EVC: variants seen among roughly 807,000 people sequenced by gnomAD.
The protein encoded by EVC is EvC ciliary complex subunit 1.
EVC carries 116 observed loss-of-function variants against 118.9 expected under a neutral mutation model. The ratio of observed to expected loss-of-function variants is 0.98; its 90% CI spans 0.84 to 1.14. The LOEUF (loss-of-function observed/expected upper bound fraction) is 1.14. Among genes scored for constraint, EVC ranks in the 50% most tolerant of loss-of-function variants. The pLI is 0.00. For synonymous variants in EVC, 619 were observed against 534.7 expected, an observed-to-expected ratio of 1.16 and a Z score of -2.18; for missense variants, 1,401 against 1,246.4, an observed-to-expected ratio of 1.12 and a Z score of -1.87.
intron 11 of EVC, among the ~76,000 whole-genome samples, chr4:5,768,037 T>C (rs1350743446): frequency 6.6e-6 from 1 of 152,112 alleles, no homozygotes; most frequent in East Asian, 1.9e-4. Flanking sequence ...TCAAGTATTG[T>C]TAAGCACAGC....
At chr4:5,725,430 A>G (rs1214754594) in intron 2 of EVC, among the ~76,000 whole-genome samples, 1 of 152,124 alleles carries the variant, frequency 6.6e-6, no homozygotes, top group African/African-American at 2.4e-5. Flanking sequence ...CTGGCATGAG[A>G]TGGTATCTCA....
In EVC at chr4:5,789,681, G is replaced by A. The variant is rs1177634687; in HGVS notation, c.1777-3927G>A. Among the ~76,000 whole-genome samples the A allele has an allele frequency of 6.6e-6, 1 of 152,164 alleles. No homozygotes were observed. Among genetic ancestry groups the A allele is most frequent in the Non-Finnish European group, 1.5e-5 (1 of 68,028 alleles). On this transcript the variant is annotated intron_variant, in intron 12 of 20. Coordinates refer to ENST00000264956, the MANE Select transcript of EVC (RefSeq NM_153717.3). This position sits in a 1 kb window ranked among gnomAD's most constrained non-coding sequence, Gnocchi z 4.3. ...GCAATGACCAGCACTCTAGCCCGAGGAAGCACCTCTTCTGAATGTAAGCAT... is the reference window on the plus strand; with the variant it reads ...GCAATGACCAGCACTCTAGCCCGAGAAAGCACCTCTTCTGAATGTAAGCAT...
chr4:5,744,958 G>A (rs1381524105), intron 6 of EVC, among the ~76,000 whole-genome samples: 1 of 140,362 alleles, frequency 7.1e-6, no homozygotes, highest in Non-Finnish European at 1.5e-5. Flanking sequence ...GATTTTTAAA[G>A]TATGGTCTAG....
chr4:5,730,213 C>T (rs1228967443), intron 3 of EVC, among the ~76,000 whole-genome samples: 3 of 152,120 alleles, frequency 2.0e-5, no homozygotes, highest in African/African-American at 7.2e-5. Flanking sequence ...CACAAGATAA[C>T]ATACATGAGG....
In EVC at chr4:5,738,406, T is replaced by C. The variant is rs983749216; in HGVS notation, c.703-3310T>C. Among the ~76,000 whole-genome samples, 2 of 152,200 alleles carry C rather than the reference T, an allele frequency of 1.3e-5. No homozygotes were observed. Among genetic ancestry groups the C allele is most frequent in the Non-Finnish European group, 2.9e-5 (2 of 68,038 alleles). ...GACTCCAAGTTTTAAAGTTCTACTG[T>C]GGGCAAATTGCTATCGAATAGCATG... is the stretch of plus-strand genomic sequence containing the variant. On this transcript the variant is annotated intron_variant, in intron 5 of 20. Coordinates refer to ENST00000264956, the MANE Select transcript of EVC (RefSeq NM_153717.3). This position sits in a 1 kb window ranked among gnomAD's most constrained non-coding sequence, Gnocchi z 6.5.
chr4:5,827,637 AAC>A, the EVC span, among the ~76,000 whole-genome samples: 8 of 151,644 alleles, frequency 5.3e-5, no homozygotes, highest in South Asian at 2.1e-4. Flanking sequence ...CACACACTCC[AAC>A]ACACGCACAC....
chr4:5,726,201 C>T (rs995050116), intron 2 of EVC, among the ~76,000 whole-genome samples: 18 of 152,214 alleles, frequency 1.2e-4, no homozygotes, highest in African/African-American at 3.4e-4. Flanking sequence ...CTCTTCAAGA[C>T]GTGGTTGAGA....
intron 12 of EVC, among the ~76,000 whole-genome samples, chr4:5,784,810 G>T (rs557112204): frequency 6.6e-6 from 1 of 151,948 alleles, no homozygotes. Flanking sequence ...GTTTCATCAT[G>T]GTGGCCAAGC....
In EVC at chr4:5,745,186, T is replaced by TTTC; in HGVS notation, c.802-5_802-3dup. ...TTTTCTTTGTTTATTTGCTTTCTTTTTTCTTCTTCTTCTTCAGGATTTGGA... is the reference window on the plus strand; with the variant it reads ...TTTTCTTTGTTTATTTGCTTTCTTTTTTCTTCTTCTTCTTCTTCAGGATTTGGA... On this transcript the variant is annotated splice_polypyrimidine_tract_variant and intron_variant, in intron 6 of 20. Transcript: ENST00000264956. 1 of 1,570,514 alleles carries TTTC rather than the reference T, an allele frequency of 6.4e-7. No individual in the cohort carries two copies. Among genetic ancestry groups the TTTC allele is most frequent in the Non-Finnish European group, 8.6e-7 (1 of 1,161,920 alleles).
intron 1 of EVC, among the ~76,000 whole-genome samples, chr4:5,714,380 A>C (rs908846918): frequency 6.6e-6 from 1 of 152,238 alleles, no homozygotes; most frequent in Non-Finnish European, 1.5e-5. Context: ...CAAAAGGAGC[A>C]ATAGCCCCAC....
chr4:5,714,608 A>G (rs1245496705), intron 1 of EVC, among the ~76,000 whole-genome samples: 1 of 151,816 alleles, frequency 6.6e-6, no homozygotes, highest in Non-Finnish European at 1.5e-5. Context: ...ACTCTTCCCA[A>G]CACCACCACC....
intron 12 of EVC, among the ~76,000 whole-genome samples, chr4:5,786,684 T>C (rs563319548): frequency 1.3e-5 from 2 of 152,170 alleles, no homozygotes; most frequent in South Asian, 2.1e-4. Flanking sequence ...CCATCCTGGC[T>C]AACATGGTGA....
At position 5,811,383 on chromosome 4, in the gene EVC, G is replaced by A. The variant is rs1716888423; in HGVS notation, c.*346G>A. 3 of 344,474 alleles carry A rather than the reference G, an allele frequency of 8.7e-6. No individual in the cohort carries two copies. Among genetic ancestry groups the A allele is most frequent in the South Asian group, 7.9e-5 (3 of 37,738 alleles). The allele number at this position is 344,474 out of a possible 1,614,324, so 21.3% of individuals were successfully genotyped here. A position where few individuals can be genotyped will look rare whatever the true frequency, so the allele number is the denominator to read the frequency against. ...CCTGATGCAGACTCTGGAATCCCTG[G>A]CCCAAAGGCCTGTCTGGGCCCATCT... is the stretch of plus-strand genomic sequence containing the variant. On this transcript the variant is annotated 3_prime_UTR_variant, in exon 21 of 21. Coordinates refer to ENST00000264956, the MANE Select transcript of EVC (RefSeq NM_153717.3).
the EVC span, chr4:5,828,674 C>G: frequency 1.9e-6 from 3 of 1,612,856 alleles, no homozygotes; most frequent in Non-Finnish European, 2.5e-6. Context: ...ACCGCCTGCA[C>G]CAACAGCCTC....
At chr4:5,777,278 C>T (rs1734846175) in intron 11 of EVC, among the ~76,000 whole-genome samples, 2 of 152,144 alleles carry the variant, frequency 1.3e-5, no homozygotes. Flanking sequence ...AACTTGACTC[C>T]AGGTTACAGT....
chr4:5,782,256 G>T (rs542565633), intron 11 of EVC, among the ~76,000 whole-genome samples: 1 of 151,660 alleles, frequency 6.6e-6, no homozygotes, highest in East Asian at 1.9e-4. Context: ...ATATTTTTTA[G>T]TAGAGACAGG....
intron 12 of EVC, among the ~76,000 whole-genome samples, chr4:5,784,400 T>C (rs1736106195): frequency 6.6e-6 from 1 of 152,084 alleles, no homozygotes; most frequent in Non-Finnish European, 1.5e-5. Flanking sequence ...TGGCTGGTTC[T>C]AGAAGCTGGA....
intron 11 of EVC, chr4:5,757,945 T>C (rs561278124): frequency 3.3e-6 from 2 of 613,126 alleles, no homozygotes; most frequent in Admixed American, 2.7e-5. Context: ...CAAAACGTCA[T>C]GTCCATCTGG....
At chr4:5,776,948 T>C (rs908210484) in intron 11 of EVC, among the ~76,000 whole-genome samples, 2 of 152,150 alleles carry the variant, frequency 1.3e-5, no homozygotes, top group Non-Finnish European at 2.9e-5. Context: ...ATAGTAAGCA[T>C]TGATATTTTA....
Sources: allele counts gnomAD v4.1 joint callset (sites outside exome capture counted in the v4.1 genomes callset), GRCh38; gene constraint gnomAD v4.1.1; non-coding constraint Gnocchi (gnomAD v3.1); transcripts MANE v1.5; gene names NCBI Gene and HGNC (gene_info 2026-07-23, HGNC 2026-07-21).